Variants in ROBO2 observed in about 807,000 individuals in gnomAD.
ROBO2 encodes roundabout guidance receptor 2.
ROBO2 carries 53 observed loss-of-function variants against 160.8 expected under a neutral mutation model. The observed-to-expected ratio is 0.33, with a 90% CI of 0.26 to 0.41. The LOEUF (loss-of-function observed/expected upper bound fraction) is 0.41, where lower values mean the gene tolerates loss of function less well. Among genes scored for constraint, ROBO2 ranks in the 10% least tolerant of loss-of-function variants. The pLI, the probability that ROBO2 is intolerant of heterozygous loss-of-function variation, is 1.00. For synonymous variants in ROBO2, 664 were observed against 611.7 expected (o/e 1.09, Z -1.26); for missense variants, 1,577 against 1,722.4 (o/e 0.92, Z 1.49).
intron 2 of ROBO2, among the ~76,000 whole-genome samples, chr3:76,996,760 A>C (rs2061037217): frequency 6.6e-6 from 1 of 152,148 alleles, no homozygotes; most frequent in Admixed American, 6.6e-5. Context: ...TTTGAAAGAG[A>C]GTTTAACAAA....
At chr3:76,191,629 T>A (rs563949363) in intron 2 of ROBO2, among the ~76,000 whole-genome samples, 32 of 152,292 alleles carry the variant, frequency 2.1e-4, no homozygotes, top group Non-Finnish European at 4.4e-4. Flanking sequence ...ATTAATTTCC[T>A]GCTTTGATTT....
intron 2 of ROBO2, among the ~76,000 whole-genome samples, chr3:77,397,541 T>C (rs1197603075): frequency 5.9e-5 from 9 of 152,112 alleles, no homozygotes; most frequent in African/African-American, 2.2e-4. Context: ...GATTAGTTAC[T>C]TTCATTAAAA....
intron 2 of ROBO2, among the ~76,000 whole-genome samples, chr3:76,849,245 A>C (rs1189140173): frequency 6.6e-6 from 1 of 152,214 alleles, no homozygotes; most frequent in Admixed American, 6.5e-5. Context: ...TTTCTTAGGC[A>C]TCATCTCTAA....
chr3:76,303,365 A>G (rs766364382), intron 2 of ROBO2, among the ~76,000 whole-genome samples: 8 of 152,054 alleles, frequency 5.3e-5, no homozygotes, highest in South Asian at 2.1e-4. Flanking sequence ...GTGTGTATAT[A>G]TATAAAAATA....
At chr3:76,146,220 A>C (rs1276082028) in intron 2 of ROBO2, among the ~76,000 whole-genome samples, 1 of 151,984 alleles carries the variant, frequency 6.6e-6, no homozygotes, top group African/African-American at 2.4e-5. Flanking sequence ...TTACTCAACA[A>C]AACTGATTGC....
chr3:76,755,485 G>C (rs2060917969), intron 2 of ROBO2, among the ~76,000 whole-genome samples: 1 of 151,780 alleles, frequency 6.6e-6, no homozygotes, highest in South Asian at 2.1e-4. Context: ...TTAGGAGGAA[G>C]AAAGAGATAC....
intron 2 of ROBO2, among the ~76,000 whole-genome samples, chr3:76,187,661 A>G (rs950032317): frequency 2.2e-4 from 33 of 152,078 alleles, no homozygotes; most frequent in Admixed American, 2.2e-3. Flanking sequence ...ATTTATTCAA[A>G]CCAGAAACAG....
chr3:76,453,891 C>T (rs543246516), intron 2 of ROBO2, among the ~76,000 whole-genome samples: 17 of 152,176 alleles, frequency 1.1e-4, no homozygotes, highest in South Asian at 1.0e-3. Flanking sequence ...TATGAATTGA[C>T]TCTATTACAG....
intron 2 of ROBO2, among the ~76,000 whole-genome samples, chr3:77,319,950 T>C (rs2064496514): frequency 6.6e-6 from 1 of 152,198 alleles, no homozygotes; most frequent in African/African-American, 2.4e-5. Context: ...ATCCATGACT[T>C]ATCAGCTGCA....
intron 2 of ROBO2, among the ~76,000 whole-genome samples, chr3:76,288,672 A>G (rs987667613): frequency 6.6e-6 from 1 of 151,976 alleles, no homozygotes; most frequent in Non-Finnish European, 1.5e-5. Flanking sequence ...CCCAGTGTCT[A>G]TTGTTCCCGT....
At chr3:77,337,074 C>G (rs1372955551) in intron 2 of ROBO2, among the ~76,000 whole-genome samples, 1 of 152,106 alleles carries the variant, frequency 6.6e-6, no homozygotes, top group African/African-American at 2.4e-5. Context: ...TTTTATAGGA[C>G]AGATGATGTA....
At chr3:76,875,849 T>TGGGGGTTC (rs2072655460) in intron 2 of ROBO2, among the ~76,000 whole-genome samples, 1 of 152,118 alleles carries the variant, frequency 6.6e-6, no homozygotes. Flanking sequence ...AGATGGGGTT[T>TGGGGGTTC]CACCATGTTG....
intron 2 of ROBO2, among the ~76,000 whole-genome samples, chr3:76,316,165 A>G (rs1363590174): frequency 6.6e-6 from 1 of 152,158 alleles, no homozygotes; most frequent in African/African-American, 2.4e-5. Flanking sequence ...AACAGGAAAC[A>G]GGGTTCGAGA....
chr3:77,610,741 CAAAAAAAA>C lies in ROBO2; in HGVS notation c.3293+2806_3293+2813del, dbSNP rs71629658. Among the ~76,000 whole-genome samples the C allele has an allele frequency of 4.0e-4, 8 of 19,830 alleles. No individual in the cohort carries two copies. The South Asian group carries it at 0.015, about 37-fold the overall frequency. The allele number at this position is 19,830 out of a possible 152,430, so 13.0% of individuals were successfully genotyped here. A position where few individuals can be genotyped will look rare whatever the true frequency, so the allele number is the denominator to read the frequency against. On this transcript the variant is annotated intron_variant, in intron 21 of 25. Transcript: ENST00000461745. ...GAGACAAATTTCCCTGGCCAAAGAC[CAAAAAAAA>C]AAAAAAAAAAAAAAAAAAGAAAATA...
intron 2 of ROBO2, among the ~76,000 whole-genome samples, chr3:77,366,522 C>T (rs1487952830): frequency 1.3e-5 from 2 of 152,086 alleles, no homozygotes; most frequent in Non-Finnish European, 2.9e-5. Context: ...GCTAGCCTCT[C>T]AAATTGTGAA....
chr3:77,044,357 A>G (rs958905191), intron 1 of ROBO2, among the ~76,000 whole-genome samples: 6 of 152,198 alleles, frequency 3.9e-5, no homozygotes, highest in Non-Finnish European at 7.3e-5. Flanking sequence ...ATATCTGCTG[A>G]AATAGTTCCG....
intron 2 of ROBO2, among the ~76,000 whole-genome samples, chr3:77,289,847 G>A (rs1367891791): frequency 1.3e-5 from 2 of 151,548 alleles, no homozygotes; most frequent in African/African-American, 2.4e-5. Flanking sequence ...GCTGAGGCTA[G>A]GTCACCAAAG....
rs558152571 is a variant in ROBO2 at position 77,213,004 on chromosome 3, A to G, written c.388+114664A>G. ...GTATTTTGTTGAGGATTTTTGCATC[A>G]ATGTTCATCAGGGATATTGGTCTAA... On this transcript the variant is annotated intron_variant, in intron 2 of 25. Coordinates refer to ENST00000461745, the Ensembl canonical transcript of ROBO2. 3.3e-5 allele frequency among the ~76,000 whole-genome samples: 5 copies of G among 152,232 alleles called. No homozygotes were observed. The East Asian group carries it at 9.7e-4, about 29-fold the overall frequency.
intron 1 of ROBO2, among the ~76,000 whole-genome samples, chr3:77,052,170 G>A (rs1048129287): frequency 2.6e-5 from 4 of 152,188 alleles, no homozygotes; most frequent in Admixed American, 6.5e-5. Context: ...TATTTAGTAA[G>A]AGAAAGAGGC....
Sources: gnomAD v4.1 joint callset for allele counts (sites outside exome capture counted in the v4.1 genomes callset) on GRCh38, gnomAD v4.1.1 for gene constraint, MANE v1.5 for transcripts, NCBI Gene and HGNC (gene_info 2026-07-23, HGNC 2026-07-21) for gene names.